The following EFCAB11 variants were observed in gnomAD, a reference collection of about 807,000 sequenced individuals.
The protein encoded by EFCAB11 is EF-hand calcium binding domain 11, also known as EF-hand calcium-binding domain-containing protein 11.
Under a neutral mutation model 23.0 loss-of-function variants are expected in EFCAB11, and 14 were observed. The ratio of observed to expected loss-of-function variants is 0.61; its 90% CI spans 0.40 to 0.95. The LOEUF (loss-of-function observed/expected upper bound fraction) is 0.95. Among genes scored for constraint, EFCAB11 ranks in the 40% least tolerant of loss-of-function variants. The pLI is 0.00. For synonymous variants in EFCAB11, 65 were observed against 66.6 expected (o/e 0.98, Z 0.11); for missense variants, 198 against 195.8 (o/e 1.01, Z -0.07).
At chr14:89,918,817 C>CACAG (rs1889932440) in intron 5 of EFCAB11, among the ~76,000 whole-genome samples, 1 of 151,644 alleles carries the variant, frequency 6.6e-6, no homozygotes, top group Admixed American at 6.6e-5. Context: ...AGAGGGCAGC[C>CACAG]ACAGGTACAG....
chr14:89,894,913 C>T (rs1889111237), intron 5 of EFCAB11, among the ~76,000 whole-genome samples: 1 of 151,966 alleles, frequency 6.6e-6, no homozygotes, highest in Admixed American at 6.6e-5. Context: ...AGAAATCCAA[C>T]AAAAGAAGAA....
At chr14:89,862,879 G>C (rs1028359044) in intron 5 of EFCAB11, among the ~76,000 whole-genome samples, 2 of 152,182 alleles carry the variant, frequency 1.3e-5, no homozygotes, top group African/African-American at 4.8e-5. Flanking sequence ...GCTGCTATAA[G>C]AAGATAGATT....
chr14:89,901,206 A>C (rs1889328424), intron 5 of EFCAB11, among the ~76,000 whole-genome samples: 1 of 152,260 alleles, frequency 6.6e-6, no homozygotes, highest in Non-Finnish European at 1.5e-5. Context: ...GGTGTGATGC[A>C]TAAGCAGGAC....
At chr14:89,888,571 G>A (rs1888863741) in intron 5 of EFCAB11, among the ~76,000 whole-genome samples, 1 of 152,204 alleles carries the variant, frequency 6.6e-6, no homozygotes, top group African/African-American at 2.4e-5. Flanking sequence ...CATGAAGACA[G>A]CACCAAGCCT....
intron 5 of EFCAB11, among the ~76,000 whole-genome samples, chr14:89,913,751 A>AT (rs1252539913): frequency 6.6e-6 from 1 of 152,218 alleles, no homozygotes; most frequent in East Asian, 1.9e-4. Context: ...CAAAAGCTTA[A>AT]TACAACTATC....
intron 5 of EFCAB11, among the ~76,000 whole-genome samples, chr14:89,814,218 T>G (rs1460356257): frequency 6.6e-6 from 1 of 152,158 alleles, no homozygotes; most frequent in Non-Finnish European, 1.5e-5. Flanking sequence ...TGTCTTCTTT[T>G]CTTCCCCCTT....
Position 89,910,332 on chromosome 14 carries a change from T to C in EFCAB11, c.410+21209A>G, listed in dbSNP as rs188931098. 8.0e-4 allele frequency among the ~76,000 whole-genome samples: 122 copies of C among 152,306 alleles called. 1 individual carries two copies. In the Middle Eastern group the frequency reaches 0.01, roughly 13 times the overall value. The stretch of plus-strand genomic sequence containing the variant: ...ATGTCTAGTGACCGGGTGCAGTGGC[T>C]CACGCCTGTAATCCCAGCACTTTGG... On this transcript the variant is annotated intron_variant, in intron 5 of 5. Coordinates refer to ENST00000316738, the MANE Select transcript of EFCAB11 (RefSeq NM_145231.4).
At chr14:89,954,444 T>G in intron 1 of EFCAB11, 142 bp downstream of exon 1, 4 of 1,537,474 alleles carry the variant, frequency 2.6e-6, no homozygotes, top group Non-Finnish European at 3.5e-6. Context: ...AGCTCCAGGA[T>G]CAGTCATTAA....
chr14:89,852,092 C>A (rs905903450), intron 5 of EFCAB11, among the ~76,000 whole-genome samples: 1 of 152,172 alleles, frequency 6.6e-6, no homozygotes, highest in Non-Finnish European at 1.5e-5. Flanking sequence ...ACACATCACA[C>A]GTTTATTTGC....
chr14:89,952,583 C>G (rs1891210739), intron 2 of EFCAB11: 3 of 985,496 alleles, frequency 3.0e-6, no homozygotes, highest in Non-Finnish European at 2.4e-6. Context: ...CTGAGCCACT[C>G]TGAACCCACC....
At chr14:89,902,113 G>A (rs1241265836) in intron 5 of EFCAB11, among the ~76,000 whole-genome samples, 1 of 152,034 alleles carries the variant, frequency 6.6e-6, no homozygotes, top group Non-Finnish European at 1.5e-5. Context: ...CCTCTTGTTC[G>A]CTGCAACCCA....
At chr14:89,927,919 C>T (rs988149393) in intron 5 of EFCAB11, among the ~76,000 whole-genome samples, 4 of 152,100 alleles carry the variant, frequency 2.6e-5, no homozygotes, top group South Asian at 2.1e-4. Flanking sequence ...GATGGAGTTT[C>T]GCCATGTTGG....
At chr14:89,934,894 G>A (rs2139815809) in intron 3 of EFCAB11, among the ~76,000 whole-genome samples, 1 of 152,224 alleles carries the variant, frequency 6.6e-6, no homozygotes, top group South Asian at 2.1e-4. Context: ...CATGTCCTAG[G>A]AGACCCTTCA....
chr14:89,858,971 T>G (rs1214413876), intron 5 of EFCAB11, among the ~76,000 whole-genome samples: 1 of 152,142 alleles, frequency 6.6e-6, no homozygotes, highest in East Asian at 1.9e-4. Context: ...AACTGTAGTT[T>G]AAAATACTAG....
chr14:89,928,775 ATAAT>A (rs1258456329), intron 5 of EFCAB11, among the ~76,000 whole-genome samples: 2 of 147,594 alleles, frequency 1.4e-5, no homozygotes, highest in African/African-American at 4.9e-5. Flanking sequence ...TATTGCATAT[ATAAT>A]TAAATAAATG....
chr14:89,842,462 C>A (rs1887297068), intron 5 of EFCAB11, among the ~76,000 whole-genome samples: 1 of 152,192 alleles, frequency 6.6e-6, no homozygotes, highest in African/African-American at 2.4e-5. Context: ...GGAATCCCAG[C>A]TACTCAGGAG....
intron 5 of EFCAB11, among the ~76,000 whole-genome samples, chr14:89,849,148 T>C (rs548020453): frequency 1.3e-5 from 2 of 152,356 alleles, no homozygotes; most frequent in African/African-American, 4.8e-5. Context: ...TCACCCTCCA[T>C]GGTCCAGCTT....
intron 5 of EFCAB11, among the ~76,000 whole-genome samples, chr14:89,856,150 T>C (rs534009009): frequency 1.2e-4 from 18 of 152,022 alleles, no homozygotes; most frequent in Non-Finnish European, 2.4e-4. Flanking sequence ...AAGGAATTCC[T>C]GAGTCATATG....
chr14:89,855,184 T>A (rs914306726), intron 5 of EFCAB11, among the ~76,000 whole-genome samples: 3 of 151,786 alleles, frequency 2.0e-5, no homozygotes, highest in Non-Finnish European at 2.9e-5. Flanking sequence ...TTTTTTTTTT[T>A]AATAAATGTT....
Sources: allele counts gnomAD v4.1 joint callset (sites outside exome capture counted in the v4.1 genomes callset), GRCh38; gene constraint gnomAD v4.1.1; transcripts MANE v1.5; gene names NCBI Gene and HGNC (gene_info 2026-07-23, HGNC 2026-07-21).